Variants in METTL15 observed in about 807,000 individuals in gnomAD.
METTL15 encodes methyltransferase 15, mitochondrial 12S rRNA N4-cytidine, also known as 12S rRNA N(4)-cytidine methyltransferase METTL15.
Under a neutral mutation model 38.3 loss-of-function variants are expected in METTL15, and 34 were observed. The observed-to-expected ratio is 0.89, with a 90% CI of 0.68 to 1.18. The LOEUF (loss-of-function observed/expected upper bound fraction) is 1.18. METTL15 is among the 50% of genes most tolerant of loss of function. The pLI is 0.00. For missense variants in METTL15, 438 were observed against 498.4 expected (o/e 0.88, Z 1.15); for synonymous variants, 162 against 170.9 (o/e 0.95, Z 0.41).
In METTL15 at chr11:28,330,822, G is replaced by A; in HGVS notation, c.1205G>A (p.Arg402Lys). 1 of 1,538,774 alleles carries A rather than the reference G, an allele frequency of 6.5e-7. No homozygotes were observed. ...CCCAGAGGGCGCTCAGCCAAGCTTA[G>A]AGCAGCTATCAAATTATAAGTTATC... ...DNPRGRSAKLRAAIKL is the reference protein window; with the variant it reads ...DNPRGRSAKLKAAIKL Residue 402 changes from arginine to lysine, a missense_variant, in exon 7 of 7, where the codon AGA becomes AAA. Physicochemically the swap from Arg to Lys is conservative, Grantham distance 26. Transcript: ENST00000407364.
At chr11:28,218,367 G>A (rs1178063781) in intron 4 of METTL15, among the ~76,000 whole-genome samples, 1 of 152,010 alleles carries the variant, frequency 6.6e-6, no homozygotes, top group Non-Finnish European at 1.5e-5. Flanking sequence ...TTTGTCTGTT[G>A]TTGGTGTATA....
intron 6 of METTL15, among the ~76,000 whole-genome samples, chr11:28,327,117 G>A (rs535121749): frequency 6.6e-6 from 1 of 152,104 alleles, no homozygotes; most frequent in Non-Finnish European, 1.5e-5. Context: ...CCCCAGAGAA[G>A]TACCAAAAAA....
chr11:28,222,092 A>T (rs1590181911), intron 4 of METTL15, among the ~76,000 whole-genome samples: 1 of 152,080 alleles, frequency 6.6e-6, no homozygotes, highest in Non-Finnish European at 1.5e-5. Context: ...TCAGACAGGG[A>T]TATTTAAGTC....
At chr11:28,504,868 C>T (rs1400683746) in intron 6 of METTL15, among the ~76,000 whole-genome samples, 1 of 152,226 alleles carries the variant, frequency 6.6e-6, no homozygotes, top group African/African-American at 2.4e-5. Context: ...CTAATTCTTT[C>T]TTTCTCTGGC....
chr11:28,386,323 A>G (rs1181603369), intron 5 of METTL15, among the ~76,000 whole-genome samples: 3 of 151,932 alleles, frequency 2.0e-5, no homozygotes, highest in Non-Finnish European at 2.9e-5. Flanking sequence ...CAAAAACAAA[A>G]TCCGACTATA....
chr11:28,222,030 T>G (rs1853253562), intron 4 of METTL15, among the ~76,000 whole-genome samples: 1 of 152,188 alleles, frequency 6.6e-6, no homozygotes. Flanking sequence ...AGTCTGTCTG[T>G]TCTCAGATCT....
chr11:28,194,162 TTCTTTCTTTC>T (rs1851812771), intron 3 of METTL15, among the ~76,000 whole-genome samples: 1 of 99,886 alleles, frequency 1.0e-5, no homozygotes, highest in South Asian at 3.9e-4. Context: ...CTTTCTTTCT[TTCTTTCTTTC>T]TTTTTCTCTC....
chr11:28,349,977 G>T (rs555320563), intron 3 of METTL15, among the ~76,000 whole-genome samples: 2 of 152,308 alleles, frequency 1.3e-5, no homozygotes, highest in African/African-American at 4.8e-5. Context: ...GTCTTGCAGA[G>T]TTTTTCTCTT....
intron 5 of METTL15, among the ~76,000 whole-genome samples, chr11:28,372,803 T>A (rs1280277680): frequency 8.5e-6 from 1 of 118,302 alleles, no homozygotes; most frequent in Non-Finnish European, 1.6e-5. Context: ...CACAGTGTGA[T>A]GTTCCCCTTC....
intron 3 of METTL15, among the ~76,000 whole-genome samples, chr11:28,207,382 T>G (rs1016129168): frequency 3.9e-5 from 6 of 152,132 alleles, no homozygotes; most frequent in African/African-American, 9.7e-5. Context: ...GGTTTTTGTC[T>G]TTGGTTCTGT....
chr11:28,344,652 A>T (rs1209081719), intron 3 of METTL15, among the ~76,000 whole-genome samples: 1 of 152,162 alleles, frequency 6.6e-6, no homozygotes, highest in Non-Finnish European at 1.5e-5. Context: ...ACACTGTCTA[A>T]GAGAATCTCA....
rs780797231 is a variant in METTL15 at position 28,113,397 on chromosome 11, T to C, written c.63T>C (p.Ser21=). ...AATGCCTTTCATGTTGGTTGGAATC[T>C]GGCATACCTAATTTAGGTGTCTGGC... ...YKECLSCWLE[S]GIPNLGVWPN... is the part of the protein sequence containing the mutation. Residue 21 remains serine, a synonymous_variant, in exon 3 of 7, where the codon TCT becomes TCC. Coordinates refer to ENST00000407364, the MANE Select transcript of METTL15 (RefSeq NM_001113528.2). 1.3e-6 allele frequency: 2 copies of C among 1,594,452 alleles called. No homozygotes were observed. The highest frequency in any genetic ancestry group is 2.7e-5 in the African/African-American group (2 of 73,302).
intron 5 of METTL15, among the ~76,000 whole-genome samples, chr11:28,420,699 C>T (rs1232816458): frequency 2.6e-5 from 4 of 151,974 alleles, no homozygotes; most frequent in Non-Finnish European, 5.9e-5. Context: ...ATTCCAAAAA[C>T]TATGGGATAG....
chr11:28,478,422 A>G (rs1021175629), intron 6 of METTL15, among the ~76,000 whole-genome samples: 1 of 152,182 alleles, frequency 6.6e-6, no homozygotes, highest in Non-Finnish European at 1.5e-5. Context: ...ACAACAGAAG[A>G]CAAATATTAG....
downstream of METTL15, among the ~76,000 whole-genome samples, chr11:28,529,673 GCT>G (rs550086594): frequency 3.8e-4 from 58 of 151,976 alleles, 1 homozygote; most frequent in East Asian, 0.01. Flanking sequence ...GATTTGTATT[GCT>G]CTGTTTGGCG....
intron 6 of METTL15, among the ~76,000 whole-genome samples, chr11:28,434,053 T>G (rs1850960093): frequency 6.6e-6 from 1 of 152,152 alleles, no homozygotes; most frequent in African/African-American, 2.4e-5. Context: ...AATCTCATCT[T>G]GAATTGTAGT....
chr11:28,168,486 C>CT (rs1232759296), intron 3 of METTL15, among the ~76,000 whole-genome samples: 3 of 149,294 alleles, frequency 2.0e-5, no homozygotes, highest in African/African-American at 7.4e-5. Context: ...TTTAATTATA[C>CT]TTTAAGTTTT....
chr11:28,136,875 C>T (rs558120953), intron 3 of METTL15, among the ~76,000 whole-genome samples: 20 of 151,346 alleles, frequency 1.3e-4, no homozygotes, highest in South Asian at 6.3e-4. Context: ...TCCAGATTAC[C>T]GTAAGTTCTT....
chr11:28,237,135 C>G lies in METTL15; in HGVS notation c.407+25937C>G, dbSNP rs938547003. Reference sequence around the variant, plus strand: ...GTGGCATTCTCTGTATTTCCTGAATCTGAATGTTGGCCTGCCTTGCTAGTT... The same window carrying G: ...GTGGCATTCTCTGTATTTCCTGAATGTGAATGTTGGCCTGCCTTGCTAGTT... On this transcript the variant is annotated intron_variant, in intron 4 of 6. Transcript: ENST00000407364. Among the ~76,000 whole-genome samples the G allele has an allele frequency of 3.3e-5, 5 of 152,036 alleles. No individual in the cohort carries two copies. The East Asian group carries it at 9.7e-4, about 29-fold the overall frequency.
Sources: allele counts gnomAD v4.1 joint callset (sites outside exome capture counted in the v4.1 genomes callset), GRCh38; gene constraint gnomAD v4.1.1; transcripts MANE v1.5; gene names NCBI Gene and HGNC (gene_info 2026-07-23, HGNC 2026-07-21).